The following ATP2A2 variants were observed in gnomAD, a reference collection of about 807,000 sequenced individuals.
ATP2A2 encodes the protein ATPase sarcoplasmic/endoplasmic reticulum Ca2+ transporting 2.
ATP2A2 carries 14 observed loss-of-function variants against 109.3 expected under a neutral mutation model. The observed-to-expected ratio is 0.13, with a 90% confidence interval of 0.08 to 0.20. The LOEUF (loss-of-function observed/expected upper bound fraction) is 0.20. ATP2A2 is among the 10% of genes least tolerant of loss of function. The pLI, the probability that ATP2A2 is intolerant of heterozygous loss-of-function variation, is 1.00. For synonymous variants in ATP2A2, 506 were observed against 490.9 expected (o/e 1.03, Z -0.41); for missense variants, 657 against 1,321.6 (o/e 0.50, Z 7.80).
intron 8 of ATP2A2, among the ~76,000 whole-genome samples, chr12:110,329,035 A>G (rs889477404): frequency 6.6e-6 from 1 of 152,216 alleles, no homozygotes; most frequent in East Asian, 1.9e-4. Context: ...CTCTGTATTC[A>G]TTAGAGATTG....
Position 110,350,545 on chromosome 12 carries a change from A to G in ATP2A2, c.*4075A>G. ...TAGCTTAATCAGAAAGCCTCTCCAGAGAAGTTTGGTTTCTTTGCTGCAAGA... is the reference window on the plus strand; with the variant it reads ...TAGCTTAATCAGAAAGCCTCTCCAGGGAAGTTTGGTTTCTTTGCTGCAAGA... On this transcript the variant is annotated 3_prime_UTR_variant, in exon 20 of 20. Transcript: ENST00000539276. 1 of 645,130 alleles carries G rather than the reference A, an allele frequency of 1.6e-6. No homozygotes were observed. The highest frequency in any genetic ancestry group is 2.6e-6 in the Non-Finnish European group (1 of 388,816). The allele number at this position is 645,130 out of a possible 1,614,324, so 40.0% of individuals were successfully genotyped here.
chr12:110,344,763 C>T, intron 16 of ATP2A2, 123 bp from the exon 17 acceptor site: 1 of 935,112 alleles, frequency 1.1e-6, no homozygotes, highest in South Asian at 1.4e-5. Flanking sequence ...GCACCACAGG[C>T]CCCGGTTACC....
At chr12:110,296,810 A>AATTATATT (rs1874008827) in intron 5 of ATP2A2, 73 bp downstream of exon 5, 2 of 1,493,954 alleles carry the variant, frequency 1.3e-6, no homozygotes, top group African/African-American at 2.8e-5. Flanking sequence ...CAAGGCTCAT[A>AATTATATT]ATTATATTTA....
chr12:110,310,647 G>C (rs558409747), intron 5 of ATP2A2, among the ~76,000 whole-genome samples: 5 of 152,240 alleles, frequency 3.3e-5, no homozygotes, highest in African/African-American at 1.2e-4. Flanking sequence ...AGTAGTGGAA[G>C]CAACACAATC....
chr12:110,333,365 C>T, intron 10 of ATP2A2, 82 bp downstream of exon 10: 1 of 1,317,716 alleles, frequency 7.6e-7, no homozygotes, highest in Non-Finnish European at 1.1e-6. Flanking sequence ...AGCCTGCCTT[C>T]CTCCCTTTTG....
intron 4 of ATP2A2, among the ~76,000 whole-genome samples, chr12:110,293,051 T>C (rs1184905808): frequency 6.6e-6 from 1 of 152,142 alleles, no homozygotes; most frequent in Non-Finnish European, 1.5e-5. Flanking sequence ...TTGACGGATA[T>C]AATCACCCCT....
At chr12:110,320,546 G>A (rs3026469) in intron 5 of ATP2A2, among the ~76,000 whole-genome samples, 2,428 of 152,228 alleles carry the variant, frequency 0.016, 28 homozygotes, top group South Asian at 0.047. Flanking sequence ...TGCAGTATAG[G>A]GCATGTTAGC....
chr12:110,341,078 C>A (rs1592861711), intron 14 of ATP2A2, 84 bp downstream of exon 14: 2 of 1,413,950 alleles, frequency 1.4e-6, no homozygotes, highest in Non-Finnish European at 9.8e-7. Flanking sequence ...ATTTTTTTGT[C>A]ATAGCTCCCT....
intron 5 of ATP2A2, among the ~76,000 whole-genome samples, chr12:110,312,686 C>T (rs560054395): frequency 2.6e-4 from 40 of 151,748 alleles, no homozygotes; most frequent in Non-Finnish European, 5.4e-4. Context: ...CCCATCTTCA[C>T]TAAAAATACA....
intron 5 of ATP2A2, among the ~76,000 whole-genome samples, chr12:110,316,866 G>C (rs947425308): frequency 6.6e-6 from 1 of 152,182 alleles, no homozygotes; most frequent in Admixed American, 6.5e-5. Flanking sequence ...GAGGGTGACA[G>C]GCAAACAGCA....
Position 110,327,654 on chromosome 12 carries a change from G to A in ATP2A2, c.732G>A (p.Gln244=). ...KIRDEMVATE[Q]ERTPLQQKLD... ...GGGATGAAATGGTGGCAACAGAACA[G>A]GAGAGAACACCCCTTCAGCAAAAAC... is the stretch of plus-strand genomic sequence containing the variant. The change falls in exon 8 of 20, where the codon CAG becomes CAA. Residue 244 remains glutamine (Q), a synonymous_variant. Coordinates refer to ENST00000539276, the MANE Select transcript of ATP2A2 (RefSeq NM_170665.4). This position sits in a 1 kb window ranked among gnomAD's most constrained non-coding sequence, Gnocchi z 4.4. The A allele has an allele frequency of 6.2e-7, 1 of 1,614,168 alleles. No homozygotes were observed. The highest frequency in any genetic ancestry group is 8.5e-7 in the Non-Finnish European group (1 of 1,180,028).
intron 5 of ATP2A2, among the ~76,000 whole-genome samples, chr12:110,318,510 G>A (rs562692987): frequency 1.3e-5 from 2 of 152,070 alleles, no homozygotes; most frequent in Non-Finnish European, 2.9e-5. Context: ...ATGGAGTCTC[G>A]CCCTTTCACC....
chr12:110,321,436 A>G (rs1246718755), intron 5 of ATP2A2, among the ~76,000 whole-genome samples: 5 of 152,120 alleles, frequency 3.3e-5, no homozygotes, highest in African/African-American at 1.2e-4. Flanking sequence ...AACCACCTTA[A>G]TTATCTTTCA....
chr12:110,296,862 A>C, intron 5 of ATP2A2, 125 bp downstream of exon 5: 1 of 1,102,038 alleles, frequency 9.1e-7, no homozygotes, highest in East Asian at 2.6e-5. Context: ...TTTTATTGCC[A>C]TTCATACAAA....
chr12:110,285,295 C>T (rs1029525557), intron 3 of ATP2A2, among the ~76,000 whole-genome samples: 1 of 152,178 alleles, frequency 6.6e-6, no homozygotes, highest in East Asian at 1.9e-4. Flanking sequence ...TAAGCTTCAT[C>T]TTCCAGTGCA....
chr12:110,310,461 A>G (rs1157402004), intron 5 of ATP2A2, among the ~76,000 whole-genome samples: 1 of 152,198 alleles, frequency 6.6e-6, no homozygotes, highest in African/African-American at 2.4e-5. Flanking sequence ...GGCTTCTAGT[A>G]TATGCCGCAG....
chr12:110,303,097 G>A (rs958630528), intron 5 of ATP2A2, among the ~76,000 whole-genome samples: 1 of 152,190 alleles, frequency 6.6e-6, no homozygotes, highest in Non-Finnish European at 1.5e-5. Context: ...CATATTGACT[G>A]TTGTAACGTT....
chr12:110,300,821 G>T (rs928958383), intron 5 of ATP2A2, among the ~76,000 whole-genome samples: 7 of 151,786 alleles, frequency 4.6e-5, no homozygotes, highest in Admixed American at 3.3e-4. Context: ...ATAGATAGGA[G>T]AGTGTGTAAA....
chr12:110,287,977 C>T (rs774948749), intron 3 of ATP2A2, among the ~76,000 whole-genome samples: 5 of 151,432 alleles, frequency 3.3e-5, no homozygotes, highest in Non-Finnish European at 7.4e-5. Context: ...GGTCTCCTGT[C>T]GCCCAGCGGG....
Sources: allele counts gnomAD v4.1 joint callset (sites outside exome capture counted in the v4.1 genomes callset), GRCh38; gene constraint gnomAD v4.1.1; non-coding constraint Gnocchi (gnomAD v3.1); transcripts MANE v1.5; gene names NCBI Gene and HGNC (gene_info 2026-07-23, HGNC 2026-07-21).